CEP112: variants seen among roughly 807,000 people sequenced by gnomAD.
CEP112 encodes centrosomal protein of 112 kDa.
CEP112 carries 127 observed loss-of-function variants against 153.0 expected under a neutral mutation model. The ratio of observed to expected loss-of-function variants is 0.83; its 90% CI spans 0.72 to 0.96. The LOEUF is 0.96. CEP112 is among the 40% of genes least tolerant of loss of function. The probability of loss-of-function intolerance (pLI) is 0.00; values close to 1 mark genes in which losing one functional copy is unlikely to be tolerated. For synonymous variants in CEP112, 358 were observed against 374.4 expected (o/e 0.96, Z 0.51); for missense variants, 1,089 against 1,101.2 (o/e 0.99, Z 0.16).
chr17:66,029,990 G>C lies in CEP112; in HGVS notation c.1252C>G (p.Gln418Glu). 1.9e-6 allele frequency: 3 copies of C among 1,613,604 alleles called. No individual in the cohort carries two copies. Among genetic ancestry groups the C allele is most frequent in the Non-Finnish European group, 2.5e-6 (3 of 1,179,764 alleles). Reference protein sequence around the residue: ...HMIKELEARVQQLTGEAENSN... With the variant: ...HMIKELEARVEQLTGEAENSN... ...TTCTCTGCTTCTCCAGTCAGCTGCTGGACACGGGCCTCCAGTTCTTTGATC... is the reference window on the plus strand; with the variant it reads ...TTCTCTGCTTCTCCAGTCAGCTGCTCGACACGGGCCTCCAGTTCTTTGATC... Residue 418 changes from glutamine to glutamate, a missense_variant, in exon 13 of 27, where the codon CAG (glutamine) becomes GAG (glutamate). Transcript: ENST00000535342.
chr17:65,711,892 T>A (rs1287345998), intron 23 of CEP112, among the ~76,000 whole-genome samples: 2 of 152,010 alleles, frequency 1.3e-5, no homozygotes, highest in Non-Finnish European at 2.9e-5. Flanking sequence ...AACACATAAC[T>A]CCCCCGACAC....
intron 18 of CEP112, among the ~76,000 whole-genome samples, chr17:65,952,851 T>C (rs2061881954): frequency 6.6e-6 from 1 of 152,210 alleles, no homozygotes; most frequent in South Asian, 2.1e-4. Flanking sequence ...TTAATTTGCA[T>C]TTCCTTGATG....
chr17:66,082,820 A>G (rs4390627), intron 8 of CEP112, among the ~76,000 whole-genome samples: 62,357 of 151,212 alleles, frequency 0.41, 14,178 homozygotes, highest in East Asian at 0.87. Flanking sequence ...AACCACTATA[A>G]TTCTTTAACT....
intron 5 of CEP112, among the ~76,000 whole-genome samples, chr17:66,131,801 A>G (rs2070182006): frequency 6.6e-6 from 1 of 152,046 alleles, no homozygotes; most frequent in Non-Finnish European, 1.5e-5. Flanking sequence ...CTTGTAACTA[A>G]AAGTCATGTA....
chr17:65,944,746 T>G (rs1025065161), intron 18 of CEP112, among the ~76,000 whole-genome samples: 1 of 152,028 alleles, frequency 6.6e-6, no homozygotes, highest in African/African-American at 2.4e-5. Flanking sequence ...CATGCCATTT[T>G]GTCCAGATAA....
At chr17:65,899,977 G>T (rs1329522990) in intron 20 of CEP112, among the ~76,000 whole-genome samples, 1 of 152,052 alleles carries the variant, frequency 6.6e-6, no homozygotes, top group South Asian at 2.1e-4. Context: ...AATGAATTTA[G>T]AACTTAAAAG....
chr17:65,981,271 A>G (rs1435045644), intron 17 of CEP112, among the ~76,000 whole-genome samples: 1 of 152,238 alleles, frequency 6.6e-6, no homozygotes, highest in Non-Finnish European at 1.5e-5. Flanking sequence ...GAACACCATT[A>G]GGAAGAGATC....
intron 17 of CEP112, among the ~76,000 whole-genome samples, chr17:65,990,242 C>T (rs2063548161): frequency 1.3e-5 from 2 of 152,030 alleles, no homozygotes; most frequent in Admixed American, 1.3e-4. Context: ...AGCAAGATGG[C>T]TAAATAGAAG....
chr17:65,899,122 A>G (rs1485881534), intron 20 of CEP112, among the ~76,000 whole-genome samples: 1 of 152,196 alleles, frequency 6.6e-6, no homozygotes, highest in Non-Finnish European at 1.5e-5. Flanking sequence ...ATATTAAAAT[A>G]TGATTGAATC....
intron 17 of CEP112, among the ~76,000 whole-genome samples, chr17:66,000,809 G>A (rs752490195): frequency 5.3e-5 from 8 of 152,184 alleles, no homozygotes; most frequent in African/African-American, 9.7e-5. Flanking sequence ...CCCAAGCATC[G>A]TTGATGTTCT....
At chr17:65,970,915 G>A (rs929361694) in intron 17 of CEP112, among the ~76,000 whole-genome samples, 3 of 82,670 alleles carry the variant, frequency 3.6e-5, no homozygotes, top group Non-Finnish European at 5.1e-5. Flanking sequence ...CATGTATGTT[G>A]CATGTATGCA....
intron 17 of CEP112, among the ~76,000 whole-genome samples, chr17:65,977,948 A>G (rs9303492): frequency 1 from 151,606 of 152,200 alleles, 75,508 homozygotes; most frequent in Middle Eastern, 1. Context: ...GGTGGCAGGC[A>G]CCTGTAATCC....
At chr17:65,685,675 T>G (rs1476179126) in intron 24 of CEP112, among the ~76,000 whole-genome samples, 1 of 145,050 alleles carries the variant, frequency 6.9e-6, no homozygotes, top group East Asian at 2.0e-4. Context: ...TAATTTTTTT[T>G]TTTTTTTTTT....
At chr17:66,155,774 G>A (rs369159244) in intron 4 of CEP112, among the ~76,000 whole-genome samples, 25 of 152,264 alleles carry the variant, frequency 1.6e-4, no homozygotes, top group Middle Eastern at 3.4e-3. Context: ...GGGCAAGTTC[G>A]AACTGGGCAA....
chr17:66,169,531 G>A lies in CEP112; in HGVS notation c.470+5513C>T, dbSNP rs140713441. Among the ~76,000 whole-genome samples the A allele has an allele frequency of 5.6e-3, 856 of 151,934 alleles. 7 individuals carry two copies. Among genetic ancestry groups the A allele is most frequent in the African/African-American group, 0.019 (801 of 41,454 alleles). The stretch of plus-strand genomic sequence containing the variant: ...GAACTCCTGACCTTGTGATCCGCCC[G>A]CCCTGGCCTCCCAAAGAGCTGGGAT... On this transcript the variant is annotated intron_variant, in intron 4 of 26. Coordinates refer to ENST00000535342, the MANE Select transcript of CEP112 (RefSeq NM_001199165.4).
intron 17 of CEP112, among the ~76,000 whole-genome samples, chr17:65,982,833 G>A (rs1168462676): frequency 6.6e-6 from 1 of 152,058 alleles, no homozygotes; most frequent in Admixed American, 6.6e-5. Flanking sequence ...TAGTTGAGTA[G>A]GTAAACTAAC....
chr17:65,667,098 G>C lies in CEP112; in HGVS notation c.2697+22031C>G, dbSNP rs555243297. ...GAAATGAGCACATTGCTGGCTCTCT[G>C]GGCTGTGGTGCTGGTGGGGCTGGGT... On this transcript the variant is annotated intron_variant, in intron 24 of 26. Coordinates refer to ENST00000535342, the MANE Select transcript of CEP112 (RefSeq NM_001199165.4). Among the ~76,000 whole-genome samples the C allele has an allele frequency of 3.9e-5, 6 of 152,218 alleles. No individual in the cohort carries two copies. In the Middle Eastern group the frequency reaches 0.01, roughly 259 times the overall value.
intron 5 of CEP112, among the ~76,000 whole-genome samples, chr17:66,130,586 T>A (rs2070097828): frequency 6.6e-6 from 1 of 151,922 alleles, no homozygotes; most frequent in Admixed American, 6.6e-5. Flanking sequence ...CCATCCTGGC[T>A]AACAGGCTGA....
At chr17:65,677,785 C>A (rs570191932) in intron 24 of CEP112, among the ~76,000 whole-genome samples, 9 of 152,182 alleles carry the variant, frequency 5.9e-5, no homozygotes, top group African/African-American at 2.2e-4. Flanking sequence ...TGGTGGCACA[C>A]ACCTGTAATC....
Sources: gnomAD v4.1 joint callset for allele counts (sites outside exome capture counted in the v4.1 genomes callset) on GRCh38, gnomAD v4.1.1 for gene constraint, MANE v1.5 for transcripts, NCBI Gene and HGNC (gene_info 2026-07-23, HGNC 2026-07-21) for gene names.